The following SYNE2 variants were observed in gnomAD, a reference collection of about 807,000 sequenced individuals.
SYNE2 encodes spectrin repeat containing nuclear envelope protein 2, also known as nesprin-2.
Under a neutral mutation model 856.3 loss-of-function variants are expected in SYNE2, and 431 were observed. The observed-to-expected ratio is 0.50, with a 90% CI of 0.47 to 0.55. The LOEUF is 0.55. Ranked by LOEUF, SYNE2 falls within the 20% of genes least tolerant of loss-of-function variation. The probability of loss-of-function intolerance (pLI) is 0.00; values close to 1 mark genes in which losing one functional copy is unlikely to be tolerated. For synonymous variants in SYNE2, 2,923 were observed against 2,872.3 expected (o/e 1.02, Z -0.56); for missense variants, 8,129 against 8,023.2 (o/e 1.01, Z -0.50).
chr14:64,032,130 T>G (rs1260422512), intron 45 of SYNE2, among the ~76,000 whole-genome samples: 2 of 152,176 alleles, frequency 1.3e-5, no homozygotes, highest in Admixed American at 1.3e-4. Context: ...AACATGCACT[T>G]TTATTGTCTC....
chr14:63,929,273 T>C (rs531509280), intron 2 of SYNE2, among the ~76,000 whole-genome samples: 39 of 152,240 alleles, frequency 2.6e-4, no homozygotes, highest in African/African-American at 8.2e-4. Flanking sequence ...GTTTATGTGA[T>C]GAAGCCTCCA....
At chr14:63,860,437 G>A (rs190903515) in intron 1 of SYNE2, among the ~76,000 whole-genome samples, 1 of 152,206 alleles carries the variant, frequency 6.6e-6, no homozygotes, top group East Asian at 1.9e-4. Flanking sequence ...AAGTGTGAAA[G>A]CATCTCTTTC....
At chr14:63,843,374 C>T (rs1890132171) in intron 1 of SYNE2, among the ~76,000 whole-genome samples, 1 of 152,122 alleles carries the variant, frequency 6.6e-6, no homozygotes. Flanking sequence ...CTAGCTACAT[C>T]AATGAATTCC....
chr14:64,093,351 A>G lies in SYNE2; in HGVS notation c.11979A>G (p.Val3993=). ...VTQEQNELLK[V]VIKQTNEWDE... The stretch of plus-strand genomic sequence containing the variant: ...TTTTTGTGGGGGTTATTTTATAGGT[A>G]GTCATAAAACAGACCAATGAATGGG... The change falls in exon 61 of 116, where the codon GTA becomes GTG. Residue 3993 remains valine, a splice_region_variant and synonymous_variant. Transcript: ENST00000555002. The G allele has an allele frequency of 3.1e-6, 5 of 1,613,742 alleles. No individual in the cohort carries two copies. The highest frequency in any genetic ancestry group is 4.2e-6 in the Non-Finnish European group (5 of 1,179,670).
intron 70 of SYNE2, among the ~76,000 whole-genome samples, chr14:64,124,375 TA>T (rs1453382608): frequency 7.0e-6 from 1 of 141,880 alleles, no homozygotes; most frequent in Non-Finnish European, 1.5e-5. Flanking sequence ...AATTTTTGTA[TA>T]ATTTTTTTTT....
At chr14:63,882,321 G>A (rs923647924) in intron 1 of SYNE2, among the ~76,000 whole-genome samples, 4 of 152,066 alleles carry the variant, frequency 2.6e-5, no homozygotes, top group Admixed American at 6.6e-5. Context: ...GTGTTAAGTC[G>A]CCAAAGAAAA....
intron 108 of SYNE2, among the ~76,000 whole-genome samples, chr14:64,217,344 T>TA (rs1165189943): frequency 6.6e-6 from 1 of 152,262 alleles, no homozygotes; most frequent in African/African-American, 2.4e-5. Flanking sequence ...TCTTCTTAGT[T>TA]ACATTTCCCT....
intron 38 of SYNE2, 83 bp from the exon 39 acceptor site, chr14:64,024,174 G>C: frequency 8.3e-7 from 1 of 1,210,524 alleles, no homozygotes; most frequent in Non-Finnish European, 1.2e-6. Context: ...TCTGTGTACT[G>C]GTTTGGAAAA....
rs1165468789 is a variant in SYNE2, at chr14:64,188,591, A to C, written c.17754A>C (p.Thr5918=). 3 of 1,614,240 alleles carry C rather than the reference A, an allele frequency of 1.9e-6. 1 individual carries two copies. Among genetic ancestry groups the C allele is most frequent in the Non-Finnish European group, 2.5e-6 (3 of 1,180,044 alleles). ...RKQEIEDRLN[T]WVVFNEKNKE... The stretch of plus-strand genomic sequence containing the variant: ...AGGAGATTGAAGACAGACTCAATAC[A>C]TGGGTTGTATTCAATGAAAAAAATA... Residue 5918 remains threonine, a synonymous_variant, in exon 98 of 116, where the codon ACA becomes ACC. Coordinates refer to ENST00000555002, the MANE Select transcript of SYNE2 (RefSeq NM_182914.3).
intron 96 of SYNE2, among the ~76,000 whole-genome samples, chr14:64,178,973 A>G (rs998890091): frequency 6.6e-6 from 1 of 152,006 alleles, no homozygotes; most frequent in Non-Finnish European, 1.5e-5. Context: ...GCCACTGGGG[A>G]GGCTGAGGTG....
In SYNE2 at chr14:64,070,663, A is replaced by G; in HGVS notation, c.10450A>G (p.Ile3484Val). The G allele has an allele frequency of 6.2e-7, 1 of 1,613,560 alleles. No homozygotes were observed. The highest frequency in any genetic ancestry group is 8.5e-7 in the Non-Finnish European group (1 of 1,179,734). The part of the protein sequence containing the change: ...VSEEIEREAI[I>V]LDNLQEELPE... ...GAATTAGATTGAACGAGAGGCAATT[A>G]TTTTAGATAATCTTCAGGAAGAACT... The change falls in exon 52 of 116, where the codon ATT (isoleucine) becomes GTT (valine). Residue 3484 changes from isoleucine (I) to valine (V), a missense_variant. Physicochemically the swap from Ile to Val is conservative, Grantham distance 29. Coordinates refer to ENST00000555002, the MANE Select transcript of SYNE2 (RefSeq NM_182914.3).
chr14:64,140,014 C>G lies in SYNE2; in HGVS notation c.14917C>G (p.Gln4973Glu). 1.9e-6 allele frequency: 3 copies of G among 1,613,968 alleles called. No homozygotes were observed. Among genetic ancestry groups the G allele is most frequent in the East Asian group, 2.2e-5 (1 of 44,866 alleles). The change falls in exon 80 of 116, where the codon CAG (glutamine) becomes GAG (glutamate). Residue 4973 changes from glutamine to glutamate, a missense_variant. By Grantham distance (29) the Gln-to-Glu change is conservative (BLOSUM62 2). This residue lies in a region of SYNE2 where 5,410 missense variants were observed against 5,284.8 expected (regional missense o/e 1.02). Transcript: ENST00000555002. ...SQHTLNYWKE[Q>E]SLNVSQDLDT... ...GCATACTCTGAATTACTGGAAAGAACAGTCCCTCAATGTGTCTCAGGACTT... is the reference window on the plus strand; with the variant it reads ...GCATACTCTGAATTACTGGAAAGAAGAGTCCCTCAATGTGTCTCAGGACTT...
chr14:63,996,348 G>A (rs1018613518), intron 23 of SYNE2, among the ~76,000 whole-genome samples: 1 of 152,118 alleles, frequency 6.6e-6, no homozygotes, highest in African/African-American at 2.4e-5. Context: ...CTCATCTTCC[G>A]TACCAGCACC....
At chr14:63,953,395 A>G (rs967646282) in intron 7 of SYNE2, among the ~76,000 whole-genome samples, 2 of 152,180 alleles carry the variant, frequency 1.3e-5, no homozygotes, top group Admixed American at 6.5e-5. Flanking sequence ...TGTGACTGCA[A>G]CTCTGTAAGA....
At chr14:64,114,559 G>A (rs988603318) in intron 66 of SYNE2, among the ~76,000 whole-genome samples, 1 of 151,870 alleles carries the variant, frequency 6.6e-6, no homozygotes, top group Non-Finnish European at 1.5e-5. Context: ...CAACATCCAG[G>A]AACCAGACAG....
intron 70 of SYNE2, 56 bp from the exon 71 acceptor site, chr14:64,125,023 A>G (rs2097928667): frequency 2.5e-6 from 4 of 1,602,924 alleles, no homozygotes; most frequent in Non-Finnish European, 3.4e-6. Flanking sequence ...AAATAAATTA[A>G]TTAACATCAG....
chr14:63,822,029 A>G (rs762035140), intron 1 of SYNE2, among the ~76,000 whole-genome samples: 13 of 152,016 alleles, frequency 8.6e-5, no homozygotes, highest in Non-Finnish European at 1.8e-4. Flanking sequence ...CGTCTCTACT[A>G]AAAACACAAA....
intron 1 of SYNE2, among the ~76,000 whole-genome samples, chr14:63,808,950 A>G (rs12880638): frequency 0.63 from 96,190 of 151,830 alleles, 30,906 homozygotes; most frequent in South Asian, 0.77. Context: ...TTGAACCCAG[A>G]TGGCAGAGGT....
rs1181786742 is a variant in SYNE2 at position 64,026,638 on chromosome 14, T to C, written c.6312T>C (p.Ala2104=). Residue 2104 remains alanine, a synonymous_variant, in exon 42 of 116, where the codon GCT becomes GCC. Transcript: ENST00000555002. The stretch of plus-strand genomic sequence containing the variant: ...GAATAGAGACCATCATGAAGCAGGC[T>C]GAGAGCAGCGAGGCCCCGCTGGTTC... ...DARIETIMKQ[A]ESSEAPLVQK... 2 of 1,613,848 alleles carry C rather than the reference T, an allele frequency of 1.2e-6. No individual in the cohort carries two copies. The highest frequency in any genetic ancestry group is 1.7e-6 in the Non-Finnish European group (2 of 1,179,838).
Sources: gnomAD v4.1 joint callset for allele counts (sites outside exome capture counted in the v4.1 genomes callset) on GRCh38, gnomAD v4.1.1 for gene constraint, gnomAD v4.1.1 regional missense constraint, MANE v1.5 for transcripts, NCBI Gene and HGNC (gene_info 2026-07-23, HGNC 2026-07-21) for gene names.